Variants in SPRED1 observed in about 807,000 individuals in gnomAD.
The protein encoded by SPRED1 is sprouty-related, EVH1 domain-containing protein 1.
SPRED1 carries 18 observed loss-of-function variants against 52.3 expected under a neutral mutation model. That is an observed-to-expected ratio of 0.34 (90% CI 0.24 to 0.51). SPRED1 has a LOEUF of 0.51. SPRED1 is among the 20% of genes least tolerant of loss of function. The pLI is 0.97. For missense variants in SPRED1, 485 were observed against 551.0 expected, an observed-to-expected ratio of 0.88 and a Z score of 1.20; for synonymous variants, 155 against 179.7, an observed-to-expected ratio of 0.86 and a Z score of 1.10.
At chr15:38,310,406 G>T (rs1895343698) in intron 2 of SPRED1, among the ~76,000 whole-genome samples, 1 of 152,124 alleles carries the variant, frequency 6.6e-6, no homozygotes, top group Non-Finnish European at 1.5e-5. Context: ...CTCCCAAAGT[G>T]CTGGGATTAC....
chr15:38,293,671 C>T (rs1350593173), intron 1 of SPRED1, among the ~76,000 whole-genome samples: 26 of 152,150 alleles, frequency 1.7e-4, no homozygotes, highest in Non-Finnish European at 2.8e-4. Context: ...TATTATCATC[C>T]TGTGGTCTCT....
intron 1 of SPRED1, among the ~76,000 whole-genome samples, chr15:38,280,143 G>T (rs1894656275): frequency 6.6e-6 from 1 of 152,016 alleles, no homozygotes; most frequent in Non-Finnish European, 1.5e-5. Flanking sequence ...TGATTTGTTT[G>T]GGAAGTCATC....
At chr15:38,257,106 T>C (rs1439272965) in intron 1 of SPRED1, among the ~76,000 whole-genome samples, 3 of 152,176 alleles carry the variant, frequency 2.0e-5, no homozygotes, top group Admixed American at 1.3e-4. Flanking sequence ...TTACAAACTT[T>C]TGTAAATTTG....
chr15:38,347,894 C>G (rs1478017759), intron 5 of SPRED1, among the ~76,000 whole-genome samples: 2 of 151,958 alleles, frequency 1.3e-5, no homozygotes, highest in Non-Finnish European at 1.5e-5. Flanking sequence ...TGGGGTGTAT[C>G]TTATCACATC....
At chr15:38,302,921 T>C (rs949540375) in intron 2 of SPRED1, among the ~76,000 whole-genome samples, 2 of 151,962 alleles carry the variant, frequency 1.3e-5, no homozygotes, top group Non-Finnish European at 2.9e-5. Context: ...CTCAGCACTT[T>C]GGAAGGCCGA....
chr15:38,346,691 T>C (rs1039733046), intron 5 of SPRED1, among the ~76,000 whole-genome samples: 1 of 152,226 alleles, frequency 6.6e-6, no homozygotes, highest in Admixed American at 6.5e-5. Context: ...TTTTTATTGT[T>C]ACAGGCATAC....
intron 1 of SPRED1, among the ~76,000 whole-genome samples, chr15:38,275,766 G>C (rs998072024): frequency 6.6e-6 from 1 of 152,202 alleles, no homozygotes; most frequent in Non-Finnish European, 1.5e-5. Context: ...AAAGTGCTGG[G>C]ATTACAGGCG....
Position 38,253,168 on chromosome 15 carries a change from G to T in SPRED1, c.-18G>T, listed in dbSNP as rs755489788. 150 of 1,575,708 alleles carry T rather than the reference G, an allele frequency of 9.5e-5. No individual in the cohort carries two copies. Among genetic ancestry groups the T allele is most frequent in the Non-Finnish European group, 1.3e-4 (148 of 1,159,782 alleles). On this transcript the variant is annotated 5_prime_UTR_variant, in exon 1 of 7. Transcript: ENST00000299084. ...CTGTTGCTCCTCCATCTCCAGATCG[G>T]ATCACGGTGAGGGAAAGATGAGCGA...
chr15:38,345,470 G>A (rs961537521), intron 5 of SPRED1, among the ~76,000 whole-genome samples: 1 of 152,170 alleles, frequency 6.6e-6, no homozygotes, highest in Non-Finnish European at 1.5e-5. Context: ...AAAAGGACTA[G>A]ACAACTGCCT....
At chr15:38,261,003 C>T (rs768064925) in intron 1 of SPRED1, among the ~76,000 whole-genome samples, 3 of 152,178 alleles carry the variant, frequency 2.0e-5, no homozygotes, top group Non-Finnish European at 4.4e-5. Flanking sequence ...TCAAACCTCA[C>T]TCAGCGAACT....
At chr15:38,338,306 T>TTG (rs1473047045) in intron 4 of SPRED1, among the ~76,000 whole-genome samples, 1 of 149,856 alleles carries the variant, frequency 6.7e-6, no homozygotes, top group Non-Finnish European at 1.5e-5. Context: ...TTGTTTTGTT[T>TTG]TTTTTCTCCC....
At chr15:38,318,360 T>TGCATGGGTA (rs999457768) in intron 2 of SPRED1, among the ~76,000 whole-genome samples, 1 of 152,184 alleles carries the variant, frequency 6.6e-6, no homozygotes, top group African/African-American at 2.4e-5. Context: ...AACACATTTC[T>TGCATGGGTA]GCATGGGTAT....
intron 4 of SPRED1, among the ~76,000 whole-genome samples, chr15:38,325,044 C>G (rs975534047): frequency 2.0e-5 from 3 of 152,136 alleles, no homozygotes; most frequent in African/African-American, 7.2e-5. Context: ...TGCTATGTTG[C>G]TCAAGCTGGT....
At chr15:38,257,994 A>G (rs1394638241) in intron 1 of SPRED1, among the ~76,000 whole-genome samples, 2 of 152,244 alleles carry the variant, frequency 1.3e-5, no homozygotes, top group African/African-American at 4.8e-5. Flanking sequence ...TTTCTTCTCC[A>G]TCTTTCAGTA....
intron 2 of SPRED1, among the ~76,000 whole-genome samples, chr15:38,317,498 T>A (rs1459916830): frequency 1.3e-5 from 2 of 152,000 alleles, no homozygotes; most frequent in Non-Finnish European, 2.9e-5. Flanking sequence ...TACAGTTTGT[T>A]TGCTAATTAT....
chr15:38,317,091 A>C (rs1464761019), intron 2 of SPRED1, among the ~76,000 whole-genome samples: 2 of 151,866 alleles, frequency 1.3e-5, no homozygotes, highest in Admixed American at 1.3e-4. Flanking sequence ...TATCTTTACT[A>C]TCTATTTTAT....
chr15:38,275,364 G>C (rs1324295020), intron 1 of SPRED1, among the ~76,000 whole-genome samples: 1 of 152,066 alleles, frequency 6.6e-6, no homozygotes, highest in Non-Finnish European at 1.5e-5. Context: ...CTCATCTCAT[G>C]CTTTTCTTGC....
intron 1 of SPRED1, among the ~76,000 whole-genome samples, chr15:38,268,429 A>G (rs558265521): frequency 1.3e-5 from 2 of 152,358 alleles, no homozygotes; most frequent in South Asian, 2.1e-4. Context: ...TCCATGTAGA[A>G]TGGAATAGAA....
chr15:38,331,559 A>G (rs1163239550), intron 4 of SPRED1, among the ~76,000 whole-genome samples: 1 of 152,150 alleles, frequency 6.6e-6, no homozygotes, highest in Non-Finnish European at 1.5e-5. Flanking sequence ...ACAATTCAGA[A>G]TGTTCCAAAA....
Sources: gnomAD v4.1 joint callset for allele counts (sites outside exome capture counted in the v4.1 genomes callset) on GRCh38, gnomAD v4.1.1 for gene constraint, MANE v1.5 for transcripts, NCBI Gene and HGNC (gene_info 2026-07-23, HGNC 2026-07-21) for gene names.